CDC123: variants seen among roughly 807,000 people sequenced by gnomAD.
CDC123 encodes translation initiation factor eIF2 assembly protein.
Under a neutral mutation model 54.4 loss-of-function variants are expected in CDC123, and 37 were observed. That is an observed-to-expected ratio of 0.68 (90% CI 0.52 to 0.89). CDC123 has a LOEUF of 0.89. Ranked by LOEUF, CDC123 falls within the 40% of genes least tolerant of loss-of-function variation. CDC123 has a pLI of 0.00. For missense variants in CDC123, 361 were observed against 412.1 expected (o/e 0.88, Z 1.07); for synonymous variants, 144 against 136.8 (o/e 1.05, Z -0.37).
intron 2 of CDC123, among the ~76,000 whole-genome samples, chr10:12,207,409 A>C (rs894887291): frequency 8.6e-5 from 13 of 151,998 alleles, no homozygotes; most frequent in Admixed American, 2.6e-4. Flanking sequence ...AATATCTTTC[A>C]TCTGGTCCCT....
At chr10:12,241,102 G>C (rs1836051696) in intron 10 of CDC123, among the ~76,000 whole-genome samples, 1 of 152,138 alleles carries the variant, frequency 6.6e-6, no homozygotes, top group South Asian at 2.1e-4. Context: ...ACACTCTTCA[G>C]GGTTTTTGGG....
chr10:12,224,097 A>G (rs1012916437), intron 6 of CDC123, among the ~76,000 whole-genome samples: 5 of 151,962 alleles, frequency 3.3e-5, no homozygotes, highest in Non-Finnish European at 2.9e-5. Context: ...CCCACTTACA[A>G]GTGAGAACAT....
chr10:12,227,694 C>T (rs938077206), intron 6 of CDC123, among the ~76,000 whole-genome samples: 1 of 152,034 alleles, frequency 6.6e-6, no homozygotes, highest in Non-Finnish European at 1.5e-5. Flanking sequence ...GATGGGGTTT[C>T]ATCATGTCGG....
chr10:12,199,318 C>A (rs866568153), intron 2 of CDC123, among the ~76,000 whole-genome samples: 1 of 152,174 alleles, frequency 6.6e-6, no homozygotes, highest in Non-Finnish European at 1.5e-5. Context: ...GTGAAGTTCT[C>A]ATTTTTTAAT....
intron 7 of CDC123, among the ~76,000 whole-genome samples, chr10:12,231,418 T>C (rs919124348): frequency 2.0e-5 from 3 of 151,772 alleles, no homozygotes; most frequent in African/African-American, 4.8e-5. Flanking sequence ...AGATCAGGAG[T>C]GCGAGACCAG....
chr10:12,226,920 G>A (rs1835828013), intron 6 of CDC123, among the ~76,000 whole-genome samples: 2 of 151,952 alleles, frequency 1.3e-5, no homozygotes, highest in South Asian at 4.1e-4. Context: ...GGAGGTGGAG[G>A]TTGTAGCGAG....
intron 10 of CDC123, among the ~76,000 whole-genome samples, chr10:12,239,005 A>T (rs1447160676): frequency 6.6e-6 from 1 of 151,930 alleles, no homozygotes; most frequent in East Asian, 1.9e-4. Flanking sequence ...AGAAAAAAAA[A>T]ATATCCGGGC....
chr10:12,209,878 T>C (rs1356528117), intron 2 of CDC123, 89 bp from the exon 3 acceptor site: 2 of 1,283,206 alleles, frequency 1.6e-6, no homozygotes, highest in African/African-American at 2.9e-5. Flanking sequence ...TTTAAGGCTA[T>C]TTAAAAACAT....
chr10:12,214,558 A>G (rs1391312587), intron 4 of CDC123, among the ~76,000 whole-genome samples: 1 of 152,190 alleles, frequency 6.6e-6, no homozygotes, highest in Non-Finnish European at 1.5e-5. Context: ...TGTAACAGAA[A>G]GAAAGGCAGC....
At chr10:12,230,577 T>C (rs1835886844) in intron 6 of CDC123, among the ~76,000 whole-genome samples, 1 of 152,248 alleles carries the variant, frequency 6.6e-6, no homozygotes, top group South Asian at 2.1e-4. Context: ...CACTCAAACA[T>C]GTATCCATCC....
At chr10:12,220,380 T>G (rs149646484) in intron 6 of CDC123, among the ~76,000 whole-genome samples, 4 of 152,376 alleles carry the variant, frequency 2.6e-5, no homozygotes, top group East Asian at 1.9e-4. Flanking sequence ...TTTTGACTTT[T>G]GCATGGCAAG....
intron 6 of CDC123, among the ~76,000 whole-genome samples, chr10:12,217,717 T>C (rs979787428): frequency 5.9e-5 from 9 of 152,238 alleles, no homozygotes; most frequent in African/African-American, 1.9e-4. Flanking sequence ...TAATTTTTTT[T>C]CTATTATAAA....
intron 6 of CDC123, among the ~76,000 whole-genome samples, chr10:12,220,372 T>C (rs374117296): frequency 6.6e-6 from 1 of 152,260 alleles, no homozygotes; most frequent in African/African-American, 2.4e-5. Context: ...TTTGTACTTT[T>C]TGACTTTTGC....
intron 10 of CDC123, among the ~76,000 whole-genome samples, chr10:12,242,554 G>A (rs182311099): frequency 1.6e-4 from 25 of 152,298 alleles, no homozygotes; most frequent in African/African-American, 6.0e-4. Flanking sequence ...CAGTCAGCTG[G>A]TACAAGGACA....
Position 12,217,439 on chromosome 10 carries a change from G to T in CDC123, c.412G>T (p.Asp138Tyr). 1 of 1,613,826 alleles carries T rather than the reference G, an allele frequency of 6.2e-7. No individual in the cohort carries two copies. Among genetic ancestry groups the T allele is most frequent in the Admixed American group, 1.7e-5 (1 of 59,992 alleles). Reference protein sequence around the residue: ...SDIFLLFKSSDFITRDFTQPF... With the variant: ...SDIFLLFKSSYFITRDFTQPF... ...CATCTTTCTGCTTTTCAAGAGTTCC[G>T]ATTTCATCACTCGTGACTTCACTCA... is the stretch of plus-strand genomic sequence containing the variant. Residue 138 changes from aspartate to tyrosine, a missense_variant, in exon 6 of 13, where the codon GAT becomes TAT. Coordinates refer to ENST00000281141, the MANE Select transcript of CDC123 (RefSeq NM_006023.3).
chr10:12,232,144 G>A (rs1449038526), intron 7 of CDC123, among the ~76,000 whole-genome samples: 2 of 151,994 alleles, frequency 1.3e-5, no homozygotes, highest in Admixed American at 1.3e-4. Flanking sequence ...ACTGCGCCCT[G>A]CCTTTTTTTA....
intron 4 of CDC123, among the ~76,000 whole-genome samples, chr10:12,211,479 G>A (rs1195926744): frequency 6.6e-6 from 1 of 152,186 alleles, no homozygotes; most frequent in Non-Finnish European, 1.5e-5. Flanking sequence ...AGGTGCCTAA[G>A]TGGAAAGTTT....
At chr10:12,230,822 A>T in intron 6 of CDC123, 126 bp from the exon 7 acceptor site, 3 of 844,580 alleles carry the variant, frequency 3.6e-6, no homozygotes, top group Non-Finnish European at 5.7e-6. Flanking sequence ...GTCGAATTTG[A>T]GTTAGTCTCC....
chr10:12,238,445 T>C lies in CDC123; in HGVS notation c.689-12T>C, dbSNP rs1430951103. ...TAGTTCATTAATAACTGACTTTTTT[T>C]CTCCTTTACAGTTGTGTTCGATATA... On this transcript the variant is annotated splice_polypyrimidine_tract_variant and intron_variant, in intron 9 of 12. Coordinates refer to ENST00000281141, the MANE Select transcript of CDC123 (RefSeq NM_006023.3). The C allele has an allele frequency of 5.0e-6, 8 of 1,599,120 alleles. No individual in the cohort carries two copies. The highest frequency in any genetic ancestry group is 6.0e-6 in the Non-Finnish European group (7 of 1,175,868).
Sources: allele counts gnomAD v4.1 joint callset (sites outside exome capture counted in the v4.1 genomes callset), GRCh38; gene constraint gnomAD v4.1.1; transcripts MANE v1.5; gene names NCBI Gene and HGNC (gene_info 2026-07-23, HGNC 2026-07-21).